Variants in SNCAIP observed in about 807,000 individuals in gnomAD.
SNCAIP encodes synuclein alpha interacting protein.
In SNCAIP, 43 loss-of-function variants were observed where a neutral mutation model predicts 86.7. The ratio of observed to expected loss-of-function variants is 0.50; its 90% CI spans 0.39 to 0.64. The LOEUF is 0.64. Ranked by LOEUF, SNCAIP falls within the 30% of genes least tolerant of loss-of-function variation. SNCAIP has a pLI of 0.00. For synonymous variants in SNCAIP, 417 were observed against 427.2 expected, an observed-to-expected ratio of 0.98 and a Z score of 0.29; for missense variants, 981 against 1,103.1, an observed-to-expected ratio of 0.89 and a Z score of 1.57.
At chr5:122,411,283 G>C (rs1481011925) in intron 3 of SNCAIP, among the ~76,000 whole-genome samples, 1 of 152,156 alleles carries the variant, frequency 6.6e-6, no homozygotes, top group East Asian at 1.9e-4. Flanking sequence ...CTTTGACTTT[G>C]TCTGGCTTTG....
chr5:122,408,229 C>G (rs889414028), intron 3 of SNCAIP, among the ~76,000 whole-genome samples: 9 of 152,202 alleles, frequency 5.9e-5, no homozygotes, highest in African/African-American at 2.2e-4. Context: ...GTCAGCCCCA[C>G]AGAACAGTCC....
intron 8 of SNCAIP, chr5:122,445,058 G>GCATCAT: frequency 2.6e-6 from 1 of 382,004 alleles, no homozygotes; most frequent in Middle Eastern, 8.2e-4. Flanking sequence ...GCACTCATAG[G>GCATCAT]CATCATCTCC....
chr5:122,367,898 A>G (rs1763500688), intron 1 of SNCAIP, among the ~76,000 whole-genome samples: 1 of 152,172 alleles, frequency 6.6e-6, no homozygotes, highest in African/African-American at 2.4e-5. Context: ...AAACACACAT[A>G]TATAAATATA....
intron 1 of SNCAIP, among the ~76,000 whole-genome samples, chr5:122,346,363 A>C (rs2152732888): frequency 6.6e-6 from 1 of 152,158 alleles, no homozygotes; most frequent in South Asian, 2.1e-4. Context: ...TCTCTTGGGG[A>C]CTTTTTTAAA....
intron 1 of SNCAIP, among the ~76,000 whole-genome samples, chr5:122,378,402 G>T (rs1765861877): frequency 7.4e-6 from 1 of 134,464 alleles, no homozygotes; most frequent in African/African-American, 2.8e-5. Flanking sequence ...TTTTTTTCTT[G>T]TAAATTTGTT....
intron 1 of SNCAIP, among the ~76,000 whole-genome samples, chr5:122,352,549 T>C (rs1212949220): frequency 2.0e-5 from 3 of 152,204 alleles, no homozygotes; most frequent in Non-Finnish European, 2.9e-5. Context: ...TGATGCAATA[T>C]CAGAAGACAA....
intron 1 of SNCAIP, among the ~76,000 whole-genome samples, chr5:122,362,258 C>T (rs1387020280): frequency 6.6e-6 from 1 of 152,096 alleles, no homozygotes; most frequent in Non-Finnish European, 1.5e-5. Context: ...ACAGTGAGTC[C>T]CCACCTCTTA....
intron 1 of SNCAIP, among the ~76,000 whole-genome samples, chr5:122,384,640 A>G (rs1767707705): frequency 6.6e-6 from 1 of 152,172 alleles, no homozygotes; most frequent in Non-Finnish European, 1.5e-5. Flanking sequence ...TCTTGATACA[A>G]AGTTTTCTTC....
chr5:122,395,028 A>G (rs1445380494), intron 2 of SNCAIP, among the ~76,000 whole-genome samples: 1 of 152,214 alleles, frequency 6.6e-6, no homozygotes, highest in African/African-American at 2.4e-5. Context: ...TTAGCTGAGT[A>G]GTAGTTTCTC....
intron 1 of SNCAIP, among the ~76,000 whole-genome samples, chr5:122,331,004 T>C (rs1430230716): frequency 6.6e-6 from 1 of 151,996 alleles, no homozygotes; most frequent in African/African-American, 2.4e-5. Context: ...ATCCCTCACA[T>C]GTGCAGTTCG....
chr5:122,406,482 A>G (rs1773021596), intron 3 of SNCAIP, among the ~76,000 whole-genome samples: 2 of 152,136 alleles, frequency 1.3e-5, no homozygotes, highest in African/African-American at 4.8e-5. Context: ...TTCCCATCCA[A>G]ACCTCATGTT....
chr5:122,358,159 TTG>T (rs36222259), intron 1 of SNCAIP, among the ~76,000 whole-genome samples: 9,817 of 137,536 alleles, frequency 0.071, 376 homozygotes, highest in East Asian at 0.16. Flanking sequence ...ATTTGTTTCT[TTG>T]TGTGTGTGTG....
intron 3 of SNCAIP, among the ~76,000 whole-genome samples, chr5:122,420,290 C>G (rs1339276696): frequency 6.6e-6 from 1 of 152,202 alleles, no homozygotes; most frequent in Non-Finnish European, 1.5e-5. Context: ...AACAAAACAG[C>G]TGGGAAACAT....
chr5:122,404,952 T>C (rs775234840), intron 3 of SNCAIP, among the ~76,000 whole-genome samples: 8 of 152,318 alleles, frequency 5.3e-5, no homozygotes, highest in Non-Finnish European at 1.2e-4. Context: ...TCACAGAAGA[T>C]AGTTTTCAGT....
intron 1 of SNCAIP, among the ~76,000 whole-genome samples, chr5:122,345,768 C>G (rs934180180): frequency 8.5e-5 from 13 of 152,104 alleles, no homozygotes; most frequent in Non-Finnish European, 1.5e-4. Context: ...TCAAGTGATC[C>G]TCCTGCCTTA....
chr5:122,433,210 T>C, intron 6 of SNCAIP, among the ~76,000 whole-genome samples: 1 of 152,082 alleles, frequency 6.6e-6, no homozygotes. Context: ...AAATGTTTCC[T>C]ATGTGTGCCA....
intron 1 of SNCAIP, among the ~76,000 whole-genome samples, chr5:122,355,129 A>T (rs1315655430): frequency 6.6e-6 from 1 of 152,232 alleles, no homozygotes; most frequent in African/African-American, 2.4e-5. Context: ...AGCAAATTTC[A>T]TGCAAAGACT....
Position 122,451,167 on chromosome 5 carries a change from C to T in SNCAIP, c.2320C>T (p.Pro774Ser), listed in dbSNP as rs907732194. ...CTCAGGGAGTATTCCTCCAAACCAG[C>T]CCTCTGGTGACCCTCAGCAGCCCAG... ...PGSGSIPPNQ[P>S]SGDPQQPSPD... The change falls in exon 10 of 11, where the codon CCC becomes TCC. Residue 774 changes from proline to serine, a missense_variant. Transcript: ENST00000261368. 6.2e-7 allele frequency: 1 copy of T among 1,614,112 alleles called. No homozygotes were observed. The highest frequency in any genetic ancestry group is 1.3e-5 in the African/African-American group (1 of 75,030).
At chr5:122,381,540 C>T (rs1766812043) in intron 1 of SNCAIP, among the ~76,000 whole-genome samples, 1 of 147,206 alleles carries the variant, frequency 6.8e-6, no homozygotes, top group Admixed American at 6.8e-5. Flanking sequence ...AGTCCATTTA[C>T]ATTTAAAGTT....
Sources: gnomAD v4.1 joint callset for allele counts (sites outside exome capture counted in the v4.1 genomes callset) on GRCh38, gnomAD v4.1.1 for gene constraint, MANE v1.5 for transcripts, NCBI Gene and HGNC (gene_info 2026-07-23, HGNC 2026-07-21) for gene names.